Variants in NHSL1 observed in about 807,000 individuals in gnomAD.
The protein encoded by NHSL1 is NHS-like protein 1.
In NHSL1, 48 loss-of-function variants were observed where a neutral mutation model predicts 95.0. The observed-to-expected ratio is 0.51, with a 90% CI of 0.40 to 0.64. The LOEUF (loss-of-function observed/expected upper bound fraction) is 0.64, where lower values mean the gene tolerates loss of function less well. Ranked by LOEUF, NHSL1 falls within the 30% of genes least tolerant of loss-of-function variation. The pLI, the probability that NHSL1 is intolerant of heterozygous loss-of-function variation, is 0.00. For missense variants in NHSL1, 1,971 were observed against 2,077.7 expected, an observed-to-expected ratio of 0.95 and a Z score of 1.00; for synonymous variants, 783 against 833.9, an observed-to-expected ratio of 0.94 and a Z score of 1.05.
intron 1 of NHSL1, among the ~76,000 whole-genome samples, chr6:138,544,388 T>G (rs1782700369): frequency 6.6e-6 from 1 of 152,026 alleles, no homozygotes; most frequent in Non-Finnish European, 1.5e-5. Flanking sequence ...TAGTAAGAAT[T>G]AATTGAATGC....
chr6:138,505,482 C>T (rs1428257989), intron 1 of NHSL1, among the ~76,000 whole-genome samples: 3 of 151,666 alleles, frequency 2.0e-5, no homozygotes, highest in African/African-American at 7.3e-5. Context: ...GGTGAAACCC[C>T]GTCTCTGCTA....
intron 1 of NHSL1, among the ~76,000 whole-genome samples, chr6:138,558,192 G>A (rs112865840): frequency 0.027 from 3,979 of 147,836 alleles, 86 homozygotes; most frequent in Non-Finnish European, 0.045. Flanking sequence ...GTGCGGACTC[G>A]GCTGACTGCA....
intron 1 of NHSL1, among the ~76,000 whole-genome samples, chr6:138,559,387 C>T (rs1404955098): frequency 6.6e-6 from 1 of 152,232 alleles, no homozygotes; most frequent in African/African-American, 2.4e-5. Flanking sequence ...GGCAATCACT[C>T]GGTCCTGCTG....
intron 2 of NHSL1, among the ~76,000 whole-genome samples, chr6:138,482,231 A>G (rs1173456911): frequency 6.6e-6 from 1 of 152,184 alleles, no homozygotes; most frequent in African/African-American, 2.4e-5. Context: ...GCGGATCACA[A>G]GGTCAGGAGT....
In NHSL1 at chr6:138,446,997, G is replaced by A. The variant is rs775618818; in HGVS notation, c.532+4C>T. ...TCTGAACCTGTCTGGCTAGCAAAGCGTACCAGTTATGTTAATAGGCACCAC... is the reference window on the plus strand; with the variant it reads ...TCTGAACCTGTCTGGCTAGCAAAGCATACCAGTTATGTTAATAGGCACCAC... On this transcript the variant is annotated splice_donor_region_variant and intron_variant, in intron 4 of 7. Transcript: ENST00000343505. The A allele has an allele frequency of 1.0e-5, 16 of 1,551,332 alleles. No individual in the cohort carries two copies. The Admixed American group carries it at 1.2e-4, about 11-fold the overall frequency.
rs56326954 is a variant in NHSL1, at chr6:138,423,815, C to CAAAAAAAAAA, written c.*256_*265dup. 90 of 139,098 alleles carry CAAAAAAAAAA rather than the reference C, an allele frequency of 6.5e-4. 1 individual carries two copies. The highest frequency in any genetic ancestry group is 2.9e-3 in the African/African-American group (78 of 26,528). 8.6% of individuals were successfully genotyped at this position (139,098 alleles called of 1,614,324 possible). On this transcript the variant is annotated 3_prime_UTR_variant, in exon 8 of 8. Coordinates refer to ENST00000343505, the MANE Select transcript of NHSL1 (RefSeq NM_001144060.2). Reference sequence around the variant, plus strand: ...GCACACATACACACCCAGCATTTAGCAAAAAAAAAAAAAAAAAAAAAAAAT... The same window carrying CAAAAAAAAAA: ...GCACACATACACACCCAGCATTTAGCAAAAAAAAAAAAAAAAAAAAAAAAAAAAAAAAAAT...
At chr6:138,556,419 GA>G (rs1477928994) in intron 1 of NHSL1, among the ~76,000 whole-genome samples, 2 of 151,964 alleles carry the variant, frequency 1.3e-5, no homozygotes, top group Non-Finnish European at 1.5e-5. Flanking sequence ...TGTCATTGTA[GA>G]AAAATAACTA....
At chr6:138,515,156 A>C (rs1006937188) in intron 1 of NHSL1, among the ~76,000 whole-genome samples, 1 of 152,140 alleles carries the variant, frequency 6.6e-6, no homozygotes, top group Non-Finnish European at 1.5e-5. Context: ...TTCAAAACTT[A>C]TGTATTATTA....
intron 1 of NHSL1, among the ~76,000 whole-genome samples, chr6:138,659,609 G>A (rs1420017705): frequency 6.6e-6 from 1 of 151,986 alleles, no homozygotes; most frequent in Non-Finnish European, 1.5e-5. Flanking sequence ...ATACCCAGTG[G>A]TAAAAATACT....
At chr6:138,636,991 G>A (rs1053244193) in intron 1 of NHSL1, among the ~76,000 whole-genome samples, 4 of 151,998 alleles carry the variant, frequency 2.6e-5, no homozygotes, top group South Asian at 4.1e-4. Context: ...TAGAGGAAAC[G>A]CATTTCCTGA....
chr6:138,560,939 T>G (rs1783387476), intron 1 of NHSL1, among the ~76,000 whole-genome samples: 1 of 152,240 alleles, frequency 6.6e-6, no homozygotes, highest in Non-Finnish European at 1.5e-5. Flanking sequence ...TGTTCTCTAG[T>G]CAAGTTTATG....
chr6:138,489,829 AGAGAGAGAGAGAGAGGGAGAGAGG>A (rs1779934181), intron 2 of NHSL1, among the ~76,000 whole-genome samples: 1 of 85,862 alleles, frequency 1.2e-5, no homozygotes, highest in African/African-American at 5.1e-5. Context: ...AGAGAGGGAG[AGAGAGAGAGAGAGAGGGAGAGAGG>A]GAGAGAGAGA....
chr6:138,471,998 A>G (rs925720395), intron 3 of NHSL1, among the ~76,000 whole-genome samples: 16 of 152,046 alleles, frequency 1.1e-4, no homozygotes, highest in Non-Finnish European at 2.9e-5. Flanking sequence ...CCCAGCCAAT[A>G]TGGTGAAACC....
At chr6:138,477,857 C>T (rs187974850) in intron 2 of NHSL1, among the ~76,000 whole-genome samples, 54 of 151,950 alleles carry the variant, frequency 3.6e-4, no homozygotes, top group Non-Finnish European at 2.9e-5. Context: ...TGACTTGACA[C>T]GTGTTAGATT....
chr6:138,609,340 C>G (rs1784476686), intron 1 of NHSL1, among the ~76,000 whole-genome samples: 1 of 152,182 alleles, frequency 6.6e-6, no homozygotes, highest in African/African-American at 2.4e-5. Context: ...CTTGGGAAAG[C>G]TGGCAATGCA....
chr6:138,555,445 GCAGGTGTGCTTCTGA>G (rs1383278754), intron 1 of NHSL1, among the ~76,000 whole-genome samples: 1 of 152,192 alleles, frequency 6.6e-6, no homozygotes, highest in Non-Finnish European at 1.5e-5. Context: ...TGCTTTCGAG[GCAGGTGTGCTTCTGA>G]CAGCTCTATT....
At chr6:138,678,023 A>G (rs1785469575) in intron 1 of NHSL1, among the ~76,000 whole-genome samples, 2 of 152,214 alleles carry the variant, frequency 1.3e-5, no homozygotes, top group South Asian at 4.1e-4. Flanking sequence ...AAGAGAGAGC[A>G]GAGTATTGCA....
chr6:138,519,322 C>G (rs1485806049), intron 1 of NHSL1, among the ~76,000 whole-genome samples: 1 of 152,024 alleles, frequency 6.6e-6, no homozygotes, highest in Admixed American at 6.6e-5. Flanking sequence ...TTTGATAAAG[C>G]AATGACCTTA....
intron 1 of NHSL1, among the ~76,000 whole-genome samples, chr6:138,583,768 G>C (rs1041723549): frequency 6.6e-6 from 1 of 152,038 alleles, no homozygotes; most frequent in Non-Finnish European, 1.5e-5. Context: ...ATCTAATCTG[G>C]CTTGATTAGA....
Sources: gnomAD v4.1 joint callset for allele counts (sites outside exome capture counted in the v4.1 genomes callset) on GRCh38, gnomAD v4.1.1 for gene constraint, MANE v1.5 for transcripts, NCBI Gene and HGNC (gene_info 2026-07-23, HGNC 2026-07-21) for gene names.